The following TET2 variants were observed in gnomAD, a reference collection of about 807,000 sequenced individuals.
TET2 encodes the protein tet methylcytosine dioxygenase 2.
TET2 carries 299 observed loss-of-function variants against 142.9 expected under a neutral mutation model. The observed-to-expected ratio is 2.09, with a 90% CI of 1.90 to 2.30. The LOEUF (loss-of-function observed/expected upper bound fraction) is 2.30, where lower values mean the gene tolerates loss of function less well. TET2 is among the 30% of genes most tolerant of loss of function. The pLI is 0.00. For missense variants in TET2, 2,418 were observed against 2,378.0 expected (o/e 1.02, Z -0.35); for synonymous variants, 819 against 849.0 (o/e 0.96, Z 0.61).
chr4:105,269,826 A>G, intron 9 of TET2, 79 bp downstream of exon 9: 3 of 1,462,242 alleles, frequency 2.1e-6, no homozygotes, highest in Non-Finnish European at 2.8e-6. Context: ...AAGACTGGGT[A>G]ATTTATAAAG....
intron 2 of TET2, among the ~76,000 whole-genome samples, chr4:105,230,579 T>G (rs1237237163): frequency 1.3e-5 from 2 of 152,224 alleles, no homozygotes; most frequent in African/African-American, 4.8e-5. Context: ...GCATTTCTTT[T>G]TATGAGCAAT....
chr4:105,251,626 CTGTT>C (rs77236941), intron 6 of TET2, among the ~76,000 whole-genome samples: 41,787 of 151,844 alleles, frequency 0.28, 6,430 homozygotes, highest in Non-Finnish European at 0.36. Context: ...TTGCTGGAGT[CTGTT>C]TGCAGGTATT....
chr4:105,156,666 C>T (rs1723580889), intron 1 of TET2, among the ~76,000 whole-genome samples: 1 of 152,054 alleles, frequency 6.6e-6, no homozygotes, highest in Non-Finnish European at 1.5e-5. Context: ...AAAAAAGCTT[C>T]AATAGGGATA....
chr4:105,205,822 C>T (rs1455244850), intron 2 of TET2, among the ~76,000 whole-genome samples: 3 of 151,862 alleles, frequency 2.0e-5, no homozygotes, highest in East Asian at 1.9e-4. Flanking sequence ...TTAGTAGAGA[C>T]GGAGTTTCTC....
intron 2 of TET2, among the ~76,000 whole-genome samples, chr4:105,225,659 A>C (rs1220850773): frequency 6.6e-6 from 1 of 152,158 alleles, no homozygotes; most frequent in Admixed American, 6.5e-5. Context: ...TCATTGCCTC[A>C]ACATAACCAC....
In TET2 at chr4:105,236,093, C is replaced by T. The variant is rs1350742838; in HGVS notation, c.2151C>T (p.His717=). The T allele has an allele frequency of 6.2e-7, 1 of 1,614,044 alleles. No individual in the cohort carries two copies. Among genetic ancestry groups the T allele is most frequent in the Non-Finnish European group, 8.5e-7 (1 of 1,180,022 alleles). The change falls in exon 3 of 11, where the codon CAC becomes CAT. Residue 717 remains histidine (H), a synonymous_variant. Coordinates refer to ENST00000380013, the MANE Select transcript of TET2 (RefSeq NM_001127208.3). ...ASETEPFSNS[H]LLQHKPHKQA... ...AGACTGAGCCATTTTCAAACTCACA[C>T]CTTTTGCAACATAAGCCTCATAAAC...
chr4:105,194,581 T>G (rs552503127), intron 2 of TET2, among the ~76,000 whole-genome samples: 10 of 152,282 alleles, frequency 6.6e-5, no homozygotes, highest in African/African-American at 2.4e-4. Flanking sequence ...TCATTGTTAC[T>G]TCCTTACAGG....
Position 105,237,581 on chromosome 4 carries a change from G to A in TET2, c.3409+230G>A, listed in dbSNP as rs72961197. 2.3e-3 allele frequency: 3,423 copies of A among 1,476,530 alleles called. 61 individuals are homozygous for A. The African/African-American group carries it at 0.033, about 14-fold the overall frequency. 91.5% of individuals were successfully genotyped at this position (1,476,530 alleles called of 1,614,324 possible). On this transcript the variant is annotated intron_variant, in intron 3 of 10. Transcript: ENST00000380013. ...CCAAAAGAATTAAATAATCGTGCAT[G>A]TTTATTTTTCCCTCTCTTCAGATCC...
intron 2 of TET2, among the ~76,000 whole-genome samples, chr4:105,229,545 G>A (rs934860103): frequency 1.3e-5 from 2 of 151,730 alleles, no homozygotes; most frequent in Admixed American, 6.6e-5. Flanking sequence ...TCTTGACCTC[G>A]TGATCTGCCT....
Position 105,235,987 on chromosome 4 carries a change from A to T in TET2, c.2045A>T (p.His682Leu). The change falls in exon 3 of 11, where the codon CAT (histidine) becomes CTT (leucine). Residue 682 changes from histidine to leucine, a missense_variant. Coordinates refer to ENST00000380013, the MANE Select transcript of TET2 (RefSeq NM_001127208.3). ...HVQSLCGTRF[H>L]FQQRADSQTE... is the part of the protein sequence containing the mutation. Reference sequence around the variant, plus strand: ...CAGTCACTGTGTGGCACTAGATTTCATTTTCAACAAAGAGCAGATTCCCAA... The same window carrying T: ...CAGTCACTGTGTGGCACTAGATTTCTTTTTCAACAAAGAGCAGATTCCCAA... 1 of 1,614,152 alleles carries T rather than the reference A, an allele frequency of 6.2e-7. No individual in the cohort carries two copies.
intron 1 of TET2, among the ~76,000 whole-genome samples, chr4:105,183,470 G>A (rs192742391): frequency 1.4e-4 from 21 of 151,626 alleles, no homozygotes; most frequent in Non-Finnish European, 7.4e-5. Flanking sequence ...TCTCAAATTC[G>A]ATAGTATCTA....
intron 2 of TET2, among the ~76,000 whole-genome samples, chr4:105,229,123 T>G (rs1303705140): frequency 6.6e-6 from 1 of 152,254 alleles, no homozygotes; most frequent in Non-Finnish European, 1.5e-5. Context: ...ACTAAATCTT[T>G]GAAATCCAAA....
intron 2 of TET2, among the ~76,000 whole-genome samples, chr4:105,208,265 T>C (rs1338504871): frequency 6.6e-6 from 1 of 152,152 alleles, no homozygotes; most frequent in African/African-American, 2.4e-5. Flanking sequence ...TAACTTTTCA[T>C]TCTCTTTACA....
At chr4:105,177,540 A>T (rs1178838474) in intron 1 of TET2, 1 of 152,236 alleles carries the variant, frequency 6.6e-6, no homozygotes, top group Non-Finnish European at 1.5e-5. Flanking sequence ...GTTAAACATC[A>T]TAGTCATTAG....
chr4:105,241,189 G>T (rs1560551628), intron 3 of TET2, 150 bp from the exon 4 acceptor site: 15 of 1,315,206 alleles, frequency 1.1e-5, no homozygotes, highest in Non-Finnish European at 1.5e-5. Context: ...TAATAGATCA[G>T]TCCATCAATC....
intron 2 of TET2, among the ~76,000 whole-genome samples, chr4:105,204,266 C>T (rs112599405): frequency 3.6e-5 from 5 of 140,092 alleles, no homozygotes; most frequent in African/African-American, 1.2e-4. Flanking sequence ...CACACACACA[C>T]ACATACATAC....
Position 105,235,239 on chromosome 4 carries a change from G to A in TET2, c.1297G>A (p.Glu433Lys), listed in dbSNP as rs1057403440. 2.5e-6 allele frequency: 4 copies of A among 1,613,964 alleles called. No individual in the cohort carries two copies. Among genetic ancestry groups the A allele is most frequent in the Non-Finnish European group, 1.7e-6 (2 of 1,179,966 alleles). The change falls in exon 3 of 11, where the codon GAA (glutamate) becomes AAA (lysine). Residue 433 changes from glutamate (E) to lysine (K), a missense_variant. By Grantham distance (56) the Glu-to-Lys change is moderately conservative (BLOSUM62 1). Transcript: ENST00000380013. ...KSTLNGGVLE[E>K]HHHYPNQSNT... ...CACTCTGAATGGTGGAGTTTTAGAA[G>A]AACACCACCACTACCCCAACCAAAG... is the stretch of plus-strand genomic sequence containing the variant.
intron 2 of TET2, among the ~76,000 whole-genome samples, chr4:105,213,085 T>C (rs966460281): frequency 2.6e-5 from 4 of 152,148 alleles, no homozygotes; most frequent in African/African-American, 9.7e-5. Context: ...GCTCATCTAC[T>C]TCTTTTTAAG....
In TET2 at chr4:105,261,831, G is replaced by A; in HGVS notation, c.4027G>A (p.Asp1343Asn). Residue 1343 changes from aspartate to asparagine, a missense_variant, in exon 8 of 11, where the codon GAT (aspartate) becomes AAT (asparagine). Coordinates refer to ENST00000380013, the MANE Select transcript of TET2 (RefSeq NM_001127208.3). The stretch of plus-strand genomic sequence containing the variant: ...ACCAACATATAAGAAACTTGCACCT[G>A]ATGCATATAATAATCAGGTAAGTTT... The part of the protein sequence containing the change: ...MAPTYKKLAP[D>N]AYNNQIEYEH... 1.3e-6 allele frequency: 2 copies of A among 1,545,892 alleles called. No homozygotes were observed. The highest frequency in any genetic ancestry group is 1.7e-6 in the Non-Finnish European group (2 of 1,142,994).
Sources: gnomAD v4.1 joint callset for allele counts (sites outside exome capture counted in the v4.1 genomes callset) on GRCh38, gnomAD v4.1.1 for gene constraint, MANE v1.5 for transcripts, NCBI Gene and HGNC (gene_info 2026-07-23, HGNC 2026-07-21) for gene names.